UBR3: variants seen among roughly 807,000 people sequenced by gnomAD.
The protein encoded by UBR3 is E3 ubiquitin-protein ligase UBR3.
Under a neutral mutation model 243.2 loss-of-function variants are expected in UBR3, and 85 were observed. That is an observed-to-expected ratio of 0.35 (90% CI 0.29 to 0.42). The LOEUF (loss-of-function observed/expected upper bound fraction) is 0.42, where lower values mean the gene tolerates loss of function less well. Among genes scored for constraint, UBR3 ranks in the 10% least tolerant of loss-of-function variants. UBR3 has a pLI of 1.00. For synonymous variants in UBR3, 748 were observed against 799.8 expected (o/e 0.94, Z 1.09); for missense variants, 1,686 against 2,300.8 (o/e 0.73, Z 5.47).
intron 26 of UBR3, among the ~76,000 whole-genome samples, chr2:169,994,812 G>A (rs2089420382): frequency 1.3e-5 from 2 of 152,190 alleles, no homozygotes; most frequent in African/African-American, 2.4e-5. Context: ...GGGAATTTAT[G>A]TGTTCTCCCC....
chr2:170,002,015 A>G (rs973354199), intron 27 of UBR3, among the ~76,000 whole-genome samples: 37 of 151,798 alleles, frequency 2.4e-4, no homozygotes, highest in Admixed American at 2.2e-3. Flanking sequence ...TCTCTCTGAA[A>G]TATTAAGCTT....
chr2:170,059,881 A>G (rs750001694), intron 33 of UBR3, among the ~76,000 whole-genome samples: 6 of 152,204 alleles, frequency 3.9e-5, no homozygotes, highest in Non-Finnish European at 7.3e-5. Flanking sequence ...AATAAATTTC[A>G]TCAGTTAATT....
intron 24 of UBR3, among the ~76,000 whole-genome samples, chr2:169,978,264 C>T (rs925980268): frequency 2.2e-4 from 33 of 152,092 alleles, no homozygotes; most frequent in African/African-American, 3.6e-4. Flanking sequence ...CCAGTAGCAG[C>T]GCTGGGTTCC....
chr2:170,003,448 A>T (rs1392194199), intron 27 of UBR3, among the ~76,000 whole-genome samples: 2 of 128,102 alleles, frequency 1.6e-5, no homozygotes, highest in Non-Finnish European at 3.3e-5. Context: ...TGCATTTTTC[A>T]TATCCCTGTA....
rs138873804 is a variant in UBR3, at chr2:169,994,443, G to A, written c.3905G>A (p.Arg1302His). 9.9e-5 allele frequency: 159 copies of A among 1,613,794 alleles called. No homozygotes were observed. Among genetic ancestry groups the A allele is most frequent in the Non-Finnish European group, 1.2e-4 (140 of 1,179,866 alleles). ...VHDVRLSLLQ[R>H]YFKDSSCLLA... ...GATGTGAGGCTTTCATTATTACAGCGTTATTTTAAGGATGTAAGTACTCTT... is the reference window on the plus strand; with the variant it reads ...GATGTGAGGCTTTCATTATTACAGCATTATTTTAAGGATGTAAGTACTCTT... Residue 1302 changes from arginine (R) to histidine (H), a missense_variant, in exon 26 of 39, where the codon CGT becomes CAT. Arg to His is a conservative substitution (Grantham distance 29). Coordinates refer to ENST00000272793, the MANE Select transcript of UBR3 (RefSeq NM_172070.4).
Position 169,925,699 on chromosome 2 carries a change from G to C in UBR3, c.2103G>C (p.Gln701His). ...QIKGQAMTYV[Q>H]SHFCNSMIDP... Reference sequence around the variant, plus strand: ...AAGGACAAGCCATGACGTATGTCCAGTCTCATTTCTGTAATTCCATGATTG... The same window carrying C: ...AAGGACAAGCCATGACGTATGTCCACTCTCATTTCTGTAATTCCATGATTG... Residue 701 changes from glutamine to histidine, a missense_variant, in exon 14 of 39, where the codon CAG (glutamine) becomes CAC (histidine). Gln to His is a conservative substitution (Grantham distance 24, BLOSUM62 0). Around this residue, in one of 8 missense-constraint regions of UBR3, gnomAD observed 346 missense variants for 585.8 expected, o/e 0.59. Coordinates refer to ENST00000272793, the MANE Select transcript of UBR3 (RefSeq NM_172070.4). 1 of 1,550,794 alleles carries C rather than the reference G, an allele frequency of 6.4e-7. No homozygotes were observed. The highest frequency in any genetic ancestry group is 8.7e-7 in the Non-Finnish European group (1 of 1,146,540).
At chr2:170,039,049 A>G (rs760115558) in intron 31 of UBR3, among the ~76,000 whole-genome samples, 1 of 152,134 alleles carries the variant, frequency 6.6e-6, no homozygotes, top group African/African-American at 2.4e-5. Flanking sequence ...AATTGAAATC[A>G]TGGATTAGAA....
chr2:169,838,408 T>C lies in UBR3; in HGVS notation c.545+10356T>C, dbSNP rs2082183032. Among the ~76,000 whole-genome samples the C allele has an allele frequency of 2.8e-5, 3 of 106,400 alleles. No individual in the cohort carries two copies. The South Asian group carries it at 8.5e-4, about 30-fold the overall frequency. The allele number at this position is 106,400 out of a possible 152,430, so 69.8% of individuals were successfully genotyped here. ...GCATTTGTGTGTGTGTGTGTGTGTG[T>C]GTGTGTGTGTGTGTGTGTGTGTGTG... is the stretch of plus-strand genomic sequence containing the variant. On this transcript the variant is annotated intron_variant, in intron 1 of 38. Coordinates refer to ENST00000272793, the MANE Select transcript of UBR3 (RefSeq NM_172070.4).
rs1400407158 is a variant in UBR3, at chr2:169,855,966, C to T, written c.546-16270C>T. ...CCACCTCCCGGACGGGGCGGCTGGC[C>T]GGGCGGGGGCTGCCCCCCACCTCCC... On this transcript the variant is annotated intron_variant, in intron 1 of 38. Transcript: ENST00000272793. Among the ~76,000 whole-genome samples the T allele has an allele frequency of 6.0e-5, 9 of 150,070 alleles. No individual in the cohort carries two copies. In the South Asian group the frequency reaches 8.5e-4, roughly 14 times the overall value.
intron 1 of UBR3, among the ~76,000 whole-genome samples, chr2:169,848,334 G>GT (rs397966443): frequency 0.17 from 21,793 of 129,370 alleles, 1,826 homozygotes; most frequent in Admixed American, 0.24. Flanking sequence ...AAGTATCATA[G>GT]TTTTTTTTTT....
At chr2:169,890,327 G>C (rs192255143) in intron 5 of UBR3, among the ~76,000 whole-genome samples, 2 of 151,748 alleles carry the variant, frequency 1.3e-5, no homozygotes, top group Admixed American at 1.3e-4. Flanking sequence ...TCTTTACTCT[G>C]TTGTACAGTG....
intron 10 of UBR3, among the ~76,000 whole-genome samples, chr2:169,910,446 G>C (rs1243647104): frequency 6.6e-6 from 1 of 152,122 alleles, no homozygotes; most frequent in Non-Finnish European, 1.5e-5. Flanking sequence ...TTATGAGGCT[G>C]AGGTTATGTT....
chr2:170,047,397 A>G (rs968271914), intron 32 of UBR3, among the ~76,000 whole-genome samples: 2 of 152,114 alleles, frequency 1.3e-5, no homozygotes, highest in African/African-American at 4.8e-5. Flanking sequence ...TTGTACATAT[A>G]TGTGCATTTT....
intron 1 of UBR3, among the ~76,000 whole-genome samples, chr2:169,868,593 T>G (rs1376458473): frequency 6.6e-6 from 1 of 152,212 alleles, no homozygotes; most frequent in Non-Finnish European, 1.5e-5. Context: ...TTATAGGCAT[T>G]ACAGGCATGA....
chr2:169,946,319 A>T lies in UBR3; in HGVS notation c.2837A>T (p.His946Leu). The change falls in exon 21 of 39, where the codon CAT becomes CTT. Residue 946 changes from histidine to leucine, a missense_variant. Physicochemically the swap from His to Leu is moderately conservative, Grantham distance 99. Coordinates refer to ENST00000272793, the MANE Select transcript of UBR3 (RefSeq NM_172070.4). ...ATGGATCATCAAAATCTGTCAGAACATGTACTCTGCATGGTTTTATATCTG... is the reference window on the plus strand; with the variant it reads ...ATGGATCATCAAAATCTGTCAGAACTTGTACTCTGCATGGTTTTATATCTG... ...ILMDHQNLSE[H>L]VLCMVLYLIE... The T allele has an allele frequency of 2.0e-6, 3 of 1,517,186 alleles. No individual in the cohort carries two copies. Among genetic ancestry groups the T allele is most frequent in the Non-Finnish European group, 2.7e-6 (3 of 1,131,364 alleles). The allele number at this position is 1,517,186 out of a possible 1,614,324, so 94.0% of individuals were successfully genotyped here.
At chr2:169,969,801 C>T (rs190475978) in intron 24 of UBR3, among the ~76,000 whole-genome samples, 3,281 of 133,170 alleles carry the variant, frequency 0.025, 51 homozygotes, top group Non-Finnish European at 0.036. Flanking sequence ...CGCCCACCTC[C>T]GCCTCCCAAA....
At chr2:169,973,964 G>C (rs1320495981) in intron 24 of UBR3, among the ~76,000 whole-genome samples, 1 of 152,252 alleles carries the variant, frequency 6.6e-6, no homozygotes, top group Non-Finnish European at 1.5e-5. Flanking sequence ...TATAATTTTT[G>C]TCCTTCATTG....
At chr2:169,968,450 T>C (rs561339172) in intron 24 of UBR3, among the ~76,000 whole-genome samples, 1 of 152,330 alleles carries the variant, frequency 6.6e-6, no homozygotes, top group South Asian at 2.1e-4. Context: ...AAAGTGATAT[T>C]TGTCTTTCTG....
intron 29 of UBR3, among the ~76,000 whole-genome samples, chr2:170,013,619 G>C (rs915056065): frequency 6.6e-6 from 1 of 151,952 alleles, no homozygotes; most frequent in Admixed American, 6.6e-5. Context: ...GAAATTCTTA[G>C]TAATATGTTT....
Sources: gnomAD v4.1 joint callset for allele counts (sites outside exome capture counted in the v4.1 genomes callset) on GRCh38, gnomAD v4.1.1 for gene constraint, gnomAD v4.1.1 regional missense constraint, MANE v1.5 for transcripts, NCBI Gene and HGNC (gene_info 2026-07-23, HGNC 2026-07-21) for gene names.